PTGIR: variants seen among roughly 807,000 people sequenced by gnomAD.
The protein encoded by PTGIR is prostacyclin receptor.
A neutral mutation model predicts 17.6 loss-of-function variants in PTGIR; 16 were observed. That is an observed-to-expected ratio of 0.91 (90% confidence interval 0.61 to 1.38). The LOEUF (loss-of-function observed/expected upper bound fraction) is 1.38, where lower values mean the gene tolerates loss of function less well. PTGIR is among the 40% of genes most tolerant of loss of function. The pLI, the probability that PTGIR is intolerant of heterozygous loss-of-function variation, is 0.00. For synonymous variants in PTGIR, 274 were observed against 255.4 expected, an observed-to-expected ratio of 1.07 and a Z score of -0.69; for missense variants, 532 against 548.6, an observed-to-expected ratio of 0.97 and a Z score of 0.30.
At chr19:46,613,635 C>G in the PTGIR span, among the ~76,000 whole-genome samples, 2 of 152,126 alleles carry the variant, frequency 1.3e-5, no homozygotes, top group South Asian at 4.2e-4. Flanking sequence ...CCCGGCCGTG[C>G]CAAACTTTAT....
chr19:46,614,802 T>C, the PTGIR span, among the ~76,000 whole-genome samples: 12 of 151,498 alleles, frequency 7.9e-5, no homozygotes, highest in African/African-American at 2.7e-4. Context: ...AGGTAGATTA[T>C]TTGAGGTCAG....
the PTGIR span, among the ~76,000 whole-genome samples, chr19:46,613,365 C>CCCG: frequency 1.8e-4 from 24 of 136,326 alleles, no homozygotes; most frequent in African/African-American, 6.4e-4. Flanking sequence ...CATGCCCCCC[C>CCCG]TTCCCCCCCA....
At chr19:46,614,526 G>T in the PTGIR span, 1 of 700,684 alleles carries the variant, frequency 1.4e-6, no homozygotes, top group Non-Finnish European at 1.8e-6. Flanking sequence ...GACTAGGGCA[G>T]GCGCCTAGAG....
the PTGIR span, among the ~76,000 whole-genome samples, chr19:46,611,636 G>A: frequency 6.6e-6 from 1 of 152,214 alleles, no homozygotes; most frequent in East Asian, 1.9e-4. Context: ...ACAGCGCCCA[G>A]TGGCACATTC....
At chr19:46,614,513 C>G in the PTGIR span, 1 of 833,974 alleles carries the variant, frequency 1.2e-6, no homozygotes, top group Non-Finnish European at 1.4e-6. Flanking sequence ...GAGCCCCACC[C>G]CAGACTAGGG....
At chr19:46,617,161 C>T (rs923638348), downstream of PTGIR, among the ~76,000 whole-genome samples, 2 of 150,602 alleles carry the variant, frequency 1.3e-5, no homozygotes, top group Non-Finnish European at 2.9e-5. Context: ...TCAGCCAAGG[C>T]CTGCAGGGGG....
In PTGIR at chr19:46,623,911, C is replaced by T. The variant is rs760447895; in HGVS notation, c.315G>A (p.Ala105=). The change falls in exon 2 of 3, where the codon GCG becomes GCA. Residue 105 remains alanine (A), a synonymous_variant. Coordinates refer to ENST00000291294, the MANE Select transcript of PTGIR (RefSeq NM_000960.4). ...CCATGGCAAAGAGGATGAGCATGGA[C>T]GCCAGGCCGAAGAAGGTCATGGCGA... ...FAFAMTFFGL[A]SMLILFAMAV... is the part of the protein sequence containing the mutation. The T allele has an allele frequency of 3.1e-6, 5 of 1,606,954 alleles. No individual in the cohort carries two copies. The highest frequency in any genetic ancestry group is 2.2e-5 in the East Asian group (1 of 44,678).
rs568430859 is a variant in PTGIR at position 46,623,958 on chromosome 19, C to T, written c.268G>A (p.Ala90Thr). 1.1e-5 allele frequency: 18 copies of T among 1,584,970 alleles called. No homozygotes were observed. In the South Asian group the frequency reaches 1.8e-4, roughly 16 times the overall value. ...SLLGLARGGP[A>T]LCDAFAFAMT... Reference sequence around the variant, plus strand: ...GCGAAGGCGAAGGCATCGCACAGGGCGGGGCCGCCTCGGGCCAGGCCCAGC... The same window carrying T: ...GCGAAGGCGAAGGCATCGCACAGGGTGGGGCCGCCTCGGGCCAGGCCCAGC... The change falls in exon 2 of 3, where the codon GCC becomes ACC. Residue 90 changes from alanine to threonine, a missense_variant. Transcript: ENST00000291294.
rs201796059 is a variant in PTGIR, at chr19:46,621,399, G to A, written c.1042C>T (p.Pro348Ser). The A allele has an allele frequency of 5.6e-6, 9 of 1,600,904 alleles. No homozygotes were observed. The highest frequency in any genetic ancestry group is 1.1e-5 in the South Asian group (1 of 90,100). The part of the protein sequence containing the change: ...APVGKEGSCV[P>S]LSAWGEGQVE... ...TGCCCCTCGCCCCAAGCCGACAAAG[G>A]CACGCAGCTCCCCTCCTTTCCCACA... The change falls in exon 3 of 3, where the codon CCT becomes TCT. Residue 348 changes from proline (P) to serine (S), a missense_variant. Physicochemically the swap from Pro to Ser is moderately conservative, Grantham distance 74 (BLOSUM62 -1). Transcript: ENST00000291294. This position sits in a 1 kb window ranked among gnomAD's most constrained non-coding sequence, Gnocchi z 4.8.
In PTGIR at chr19:46,623,478, C is replaced by T. The variant is rs200478625; in HGVS notation, c.748G>A (p.Val250Met). Residue 250 changes from valine to methionine, a missense_variant, in exon 2 of 3, where the codon GTG (valine) becomes ATG (methionine). Coordinates refer to ENST00000291294, the MANE Select transcript of PTGIR (RefSeq NM_000960.4). The stretch of plus-strand genomic sequence containing the variant: ...CTCACCGTGAGAGGCAGGGAGCACA[C>T]GGCCATGACCACTGTCATGAGGGCC... ...LLALMTVVMA[V>M]CSLPLTIRCF... The T allele has an allele frequency of 7.0e-6, 11 of 1,568,768 alleles. No individual in the cohort carries two copies. Among genetic ancestry groups the T allele is most frequent in the Middle Eastern group, 1.7e-4 (1 of 5,962 alleles).
the PTGIR span, among the ~76,000 whole-genome samples, chr19:46,613,995 C>T: frequency 6.6e-6 from 1 of 152,208 alleles, no homozygotes; most frequent in Non-Finnish European, 1.5e-5. Context: ...CATGACTTCC[C>T]TTCCCATTTT....
At chr19:46,614,524 C>T in the PTGIR span, 364 of 740,208 alleles carry the variant, frequency 4.9e-4, no homozygotes, top group Non-Finnish European at 5.8e-4. Context: ...CAGACTAGGG[C>T]AGGCGCCTAG....
chr19:46,621,036 C>T lies in PTGIR; in HGVS notation c.*244G>A. ...TGGGGAATCCAGGGCCAGAGCAGGT[C>T]GGCCAGGCCACTGGTTATTTTGAGA... On this transcript the variant is annotated 3_prime_UTR_variant, in exon 3 of 3. Transcript: ENST00000291294. The surrounding 1 kb of genome is among the most constrained non-coding windows in gnomAD (Gnocchi z 4.8). 5 of 1,208,426 alleles carry T rather than the reference C, an allele frequency of 4.1e-6. No homozygotes were observed. Among genetic ancestry groups the T allele is most frequent in the African/African-American group, 3.1e-5 (2 of 63,944 alleles). 74.9% of individuals were successfully genotyped at this position (1,208,426 alleles called of 1,614,324 possible).
In PTGIR at chr19:46,621,325, T is replaced by C; in HGVS notation, c.1116A>G (p.Gly372=). The C allele has an allele frequency of 6.6e-7, 1 of 1,522,750 alleles. No homozygotes were observed. Among genetic ancestry groups the C allele is most frequent in the Non-Finnish European group, 8.8e-7 (1 of 1,135,104 alleles). 94.3% of individuals were successfully genotyped at this position (1,522,750 alleles called of 1,614,324 possible). A position where few individuals can be genotyped will look rare whatever the true frequency, so the allele number is the denominator to read the frequency against. ...PTQQSSGSAV[G]TSSKAEASVA... ...CGCTGGCTTCTGCTTTGGACGACGT[T>C]CCCACGGCGCTGCCGCTGGACTGCT... The change falls in exon 3 of 3, where the codon GGA becomes GGG. Residue 372 remains glycine, a synonymous_variant. Transcript: ENST00000291294. This position sits in a 1 kb window ranked among gnomAD's most constrained non-coding sequence, Gnocchi z 4.8.
the PTGIR span, among the ~76,000 whole-genome samples, chr19:46,611,278 C>G: frequency 6.6e-6 from 1 of 152,190 alleles, no homozygotes; most frequent in African/African-American, 2.4e-5. Context: ...GTGAGAGCCC[C>G]GAGCAGCTTG....
Position 46,623,945 on chromosome 19 carries a change from G to T in PTGIR, c.281C>A (p.Ala94Asp), listed in dbSNP as rs200390379. 6.3e-7 allele frequency: 1 copy of T among 1,595,006 alleles called. No individual in the cohort carries two copies. The highest frequency in any genetic ancestry group is 8.5e-7 in the Non-Finnish European group (1 of 1,170,206). ...GAAGAAGGTCATGGCGAAGGCGAAGGCATCGCACAGGGCGGGGCCGCCTCG... is the reference window on the plus strand; with the variant it reads ...GAAGAAGGTCATGGCGAAGGCGAAGTCATCGCACAGGGCGGGGCCGCCTCG... ...LARGGPALCD[A>D]FAFAMTFFGL... The change falls in exon 2 of 3, where the codon GCC becomes GAC. Residue 94 changes from alanine to aspartate, a missense_variant. Physicochemically the swap from Ala to Asp is moderately radical, Grantham distance 126. Coordinates refer to ENST00000291294, the MANE Select transcript of PTGIR (RefSeq NM_000960.4).
At chr19:46,620,383 T>C (rs1387068888), downstream of PTGIR, 44 of 961,840 alleles carry the variant, frequency 4.6e-5, no homozygotes, top group Non-Finnish European at 5.3e-5. Context: ...ATTACAGGCA[T>C]GTGCTATGGT....
chr19:46,619,579 G>GAA (rs1210007453), downstream of PTGIR, among the ~76,000 whole-genome samples: 40 of 98,718 alleles, frequency 4.1e-4, no homozygotes, highest in African/African-American at 4.5e-4. Flanking sequence ...GAGAGAGAGA[G>GAA]AGAGAAAGAA....
chr19:46,619,547 A>AGAGAG (rs1972015587), downstream of PTGIR, among the ~76,000 whole-genome samples: 2 of 87,918 alleles, frequency 2.3e-5, no homozygotes, highest in African/African-American at 4.6e-5. Context: ...GAAAGAAAGA[A>AGAGAG]AGAGAGAGAG....
Sources: allele counts gnomAD v4.1 joint callset (sites outside exome capture counted in the v4.1 genomes callset), GRCh38; gene constraint gnomAD v4.1.1; non-coding constraint Gnocchi (gnomAD v3.1); transcripts MANE v1.5; gene names NCBI Gene and HGNC (gene_info 2026-07-23, HGNC 2026-07-21).